BUB3: variants seen among roughly 807,000 people sequenced by gnomAD.
The protein encoded by BUB3 is mitotic checkpoint protein BUB3.
Under a neutral mutation model 39.9 loss-of-function variants are expected in BUB3, and 22 were observed. The ratio of observed to expected loss-of-function variants is 0.55; its 90% CI spans 0.39 to 0.79. The LOEUF is 0.79. BUB3 is among the 30% of genes least tolerant of loss of function. BUB3 has a pLI of 0.00. For synonymous variants in BUB3, 168 were observed against 155.1 expected (o/e 1.08, Z -0.62); for missense variants, 303 against 415.4 (o/e 0.73, Z 2.35).
chr10:123,163,163 C>T lies in BUB3; in HGVS notation c.971+335C>T, dbSNP rs114402908. The stretch of plus-strand genomic sequence containing the variant: ...CAAGAATAATTTATTTTAGTAAATT[C>T]TATTTAAGATGTTTAAGAATTTGAA... On this transcript the variant is annotated intron_variant, in intron 7 of 7. Transcript: ENST00000368865. 1,407 of 252,584 alleles carry T rather than the reference C, an allele frequency of 5.6e-3. 19 individuals are homozygous for T. The highest frequency in any genetic ancestry group is 0.03 in the African/African-American group (1,299 of 43,442). The allele number at this position is 252,584 out of a possible 1,614,324, so 15.6% of individuals were successfully genotyped here. A position where few individuals can be genotyped will look rare whatever the true frequency, so the allele number is the denominator to read the frequency against.
At chr10:123,156,478 T>A (rs1181921116) in intron 3 of BUB3, among the ~76,000 whole-genome samples, 1 of 152,204 alleles carries the variant, frequency 6.6e-6, no homozygotes, top group Non-Finnish European at 1.5e-5. Flanking sequence ...GGCCACATTT[T>A]GTCAAAAAAC....
Position 123,164,346 on chromosome 10 carries a change from C to A in BUB3, c.*511C>A. 1 of 985,892 alleles carries A rather than the reference C, an allele frequency of 1.0e-6. No homozygotes were observed. Among genetic ancestry groups the A allele is most frequent in the African/African-American group, 1.7e-5 (1 of 57,344 alleles). The allele number at this position is 985,892 out of a possible 1,614,324, so 61.1% of individuals were successfully genotyped here. On this transcript the variant is annotated 3_prime_UTR_variant, in exon 8 of 8. Coordinates refer to ENST00000368865, the MANE Select transcript of BUB3 (RefSeq NM_004725.4). The stretch of plus-strand genomic sequence containing the variant: ...CCATTATTTTCTGAAGCAGATGGTT[C>A]ATCATTTCCTGGGCTGTTAAACAAA...
chr10:123,154,779 C>A, intron 1 of BUB3, 139 bp from the exon 2 acceptor site: 1 of 927,774 alleles, frequency 1.1e-6, no homozygotes, highest in Non-Finnish European at 1.6e-6. Context: ...CGGGCGAGTG[C>A]TCGGCGCAGG....
chr10:123,157,697 T>A, intron 3 of BUB3, 32 bp from the exon 4 acceptor site: 1 of 1,547,490 alleles, frequency 6.5e-7, no homozygotes, highest in Non-Finnish European at 8.7e-7. Context: ...AGCTAGATGT[T>A]GGGGTTTTTT....
chr10:123,154,905 G>A lies in BUB3; in HGVS notation c.1-13G>A. On this transcript the variant is annotated splice_polypyrimidine_tract_variant and intron_variant, in intron 1 of 7. Transcript: ENST00000368865. ...CGCGGGACCCCTGGGGACTCTGGGC[G>A]CCTGTTCTGCAGATGACCGGTTCTA... is the stretch of plus-strand genomic sequence containing the variant. 1 of 1,607,978 alleles carries A rather than the reference G, an allele frequency of 6.2e-7. No individual in the cohort carries two copies. Among genetic ancestry groups the A allele is most frequent in the Non-Finnish European group, 8.5e-7 (1 of 1,176,734 alleles).
Position 123,165,280 on chromosome 10 carries a change from C to T in BUB3, c.*1445C>T. The T allele has an allele frequency of 2.0e-6, 1 of 491,594 alleles. No homozygotes were observed. The highest frequency in any genetic ancestry group is 3.6e-6 in the Non-Finnish European group (1 of 278,294). The allele number at this position is 491,594 out of a possible 1,614,324, so 30.5% of individuals were successfully genotyped here. Reference sequence around the variant, plus strand: ...TTCTGTCCCCTAGTAAGCCCAGTTGCTGTATCTGAACAGTTTGAGCTCTTT... The same window carrying T: ...TTCTGTCCCCTAGTAAGCCCAGTTGTTGTATCTGAACAGTTTGAGCTCTTT... On this transcript the variant is annotated 3_prime_UTR_variant, in exon 8 of 8. Transcript: ENST00000368865.
chr10:123,162,207 A>AT (rs762098348), intron 5 of BUB3, 29 bp from the exon 6 acceptor site: 4 of 1,588,914 alleles, frequency 2.5e-6, no homozygotes, highest in Admixed American at 1.8e-5. Context: ...GGAATTTACC[A>AT]TTTTTTTCCT....
Position 123,157,847 on chromosome 10 carries a change from T to A in BUB3, c.384T>A (p.Pro128=), listed in dbSNP as rs557900034. 2 of 1,613,936 alleles carry A rather than the reference T, an allele frequency of 1.2e-6. No individual in the cohort carries two copies. The highest frequency in any genetic ancestry group is 1.7e-6 in the Non-Finnish European group (2 of 1,179,984). Reference sequence around the variant, plus strand: ...TTAAACTGTGGGATCCCAGAACTCCTTGTAATGCTGGGACCTTCTCTCAGC... The same window carrying A: ...TTAAACTGTGGGATCCCAGAACTCCATGTAATGCTGGGACCTTCTCTCAGC... ...QTVKLWDPRT[P]CNAGTFSQPE... The change falls in exon 4 of 8, where the codon CCT becomes CCA. Residue 128 remains proline, a synonymous_variant. Coordinates refer to ENST00000368865, the MANE Select transcript of BUB3 (RefSeq NM_004725.4).
rs1844515224 is a variant in BUB3 at position 123,168,443 on chromosome 10, A to G, written c.*4608A>G. On this transcript the variant is annotated 3_prime_UTR_variant, in exon 8 of 8. Transcript: ENST00000368865. ...TAGCTATACTTAGAAGTCATCCTCT[A>G]GAGCAAGCTTGTCCAATTTGTTGTC... The G allele has an allele frequency of 6.6e-6, 1 of 152,230 alleles. No homozygotes were observed. Among genetic ancestry groups the G allele is most frequent in the Non-Finnish European group, 1.5e-5 (1 of 68,036 alleles). The allele number at this position is 152,230 out of a possible 1,614,324, so 9.4% of individuals were successfully genotyped here. A position where few individuals can be genotyped will look rare whatever the true frequency, so the allele number is the denominator to read the frequency against.
At chr10:123,156,021 A>G (rs1442793990) in intron 3 of BUB3, among the ~76,000 whole-genome samples, 1 of 152,198 alleles carries the variant, frequency 6.6e-6, no homozygotes, top group Non-Finnish European at 1.5e-5. Context: ...TGGATCCCAG[A>G]CTGGCCAGCG....
At chr10:123,162,152 T>C (rs1844432134) in intron 5 of BUB3, 84 bp from the exon 6 acceptor site, 2 of 1,197,084 alleles carry the variant, frequency 1.7e-6, no homozygotes, top group African/African-American at 1.5e-5. Context: ...AATCACTCTT[T>C]AGTGTGGGTT....
intron 7 of BUB3, 45 bp downstream of exon 7, chr10:123,162,873 C>G: frequency 6.5e-7 from 1 of 1,547,200 alleles, no homozygotes; most frequent in Non-Finnish European, 8.9e-7. Flanking sequence ...TGCATTCAAC[C>G]CAGGATTTAT....
rs7095154 is a variant in BUB3, at chr10:123,164,886, C to T, written c.*1051C>T. On this transcript the variant is annotated 3_prime_UTR_variant, in exon 8 of 8. Coordinates refer to ENST00000368865, the MANE Select transcript of BUB3 (RefSeq NM_004725.4). ...TTTATATTAATTTGCAAATGTATGT[C>T]TCTGAGTAGGACTTGGACCTTTCCT... is the stretch of plus-strand genomic sequence containing the variant. 200,602 of 1,386,894 alleles carry T rather than the reference C, an allele frequency of 0.14. 17,154 individuals carry two copies. Among genetic ancestry groups the T allele is most frequent in the East Asian group, 0.36 (13,906 of 38,936 alleles). The allele number at this position is 1,386,894 out of a possible 1,614,324, so 85.9% of individuals were successfully genotyped here.
At chr10:123,158,261 T>C (rs1399996186) in intron 4 of BUB3, among the ~76,000 whole-genome samples, 2 of 152,226 alleles carry the variant, frequency 1.3e-5, no homozygotes, top group East Asian at 1.9e-4. Flanking sequence ...TCATTTGTTA[T>C]CTGAGGTTTC....
rs755429968 is a variant in BUB3 at position 123,155,671 on chromosome 10, C to G, written c.209C>G (p.Ala70Gly). 6.8e-6 allele frequency: 11 copies of G among 1,613,798 alleles called. No homozygotes were observed. The highest frequency in any genetic ancestry group is 9.3e-6 in the Non-Finnish European group (11 of 1,179,862). Residue 70 changes from alanine to glycine, a missense_variant, in exon 3 of 8, where the codon GCC becomes GGC. Around this residue, in one of 2 missense-constraint regions of BUB3, gnomAD observed 121 missense variants for 122.3 expected, o/e 0.99. Transcript: ENST00000368865. ...LDCAFYDPTH[A>G]WSGGLDHQLK... Reference sequence around the variant, plus strand: ...ACTATTTTATAGGATCCAACGCATGCCTGGAGTGGAGGACTAGATCATCAA... The same window carrying G: ...ACTATTTTATAGGATCCAACGCATGGCTGGAGTGGAGGACTAGATCATCAA...
intron 4 of BUB3, 107 bp downstream of exon 4, chr10:123,157,987 T>C: frequency 8.2e-7 from 1 of 1,219,224 alleles, no homozygotes. Context: ...AAAGTCAACA[T>C]GGGGGGAAAA....
At chr10:123,156,750 C>CTTTTTTTTTTTTTTTTTTTTTTTT (rs1589688487) in intron 3 of BUB3, among the ~76,000 whole-genome samples, 2 of 123,406 alleles carry the variant, frequency 1.6e-5, no homozygotes, top group African/African-American at 3.4e-5. Flanking sequence ...CTTTTTCTTT[C>CTTTTTTTTTTTTTTTTTTTTTTTT]TTGTTTTTTT....
At chr10:123,162,584 A>G in intron 6 of BUB3, 28 bp from the exon 7 acceptor site, 5 of 1,587,272 alleles carry the variant, frequency 3.2e-6, no homozygotes, top group African/African-American at 1.4e-5. Flanking sequence ...GTTAAGAACC[A>G]TTTTAACTGT....
intron 4 of BUB3, among the ~76,000 whole-genome samples, chr10:123,159,702 T>C (rs1208183553): frequency 6.6e-6 from 1 of 152,240 alleles, no homozygotes; most frequent in African/African-American, 2.4e-5. Flanking sequence ...TACACTACTT[T>C]TAAAAATTTT....
Sources: gnomAD v4.1 joint callset for allele counts (sites outside exome capture counted in the v4.1 genomes callset) on GRCh38, gnomAD v4.1.1 for gene constraint, gnomAD v4.1.1 regional missense constraint, MANE v1.5 for transcripts, NCBI Gene and HGNC (gene_info 2026-07-23, HGNC 2026-07-21) for gene names.